Variants in TCF25 observed in about 807,000 individuals in gnomAD.
The protein encoded by TCF25 is TCF25 ribosome quality control complex subunit, also known as ribosome quality control complex subunit TCF25.
Under a neutral mutation model 83.1 loss-of-function variants are expected in TCF25, and 41 were observed. That is an observed-to-expected ratio of 0.49 (90% CI 0.38 to 0.64). The LOEUF (loss-of-function observed/expected upper bound fraction) is 0.64, where lower values mean the gene tolerates loss of function less well. Among genes scored for constraint, TCF25 ranks in the 30% least tolerant of loss-of-function variants. The probability of loss-of-function intolerance (pLI) is 0.00; values close to 1 mark genes in which losing one functional copy is unlikely to be tolerated. For synonymous variants in TCF25, 458 were observed against 365.0 expected (o/e 1.25, Z -2.90); for missense variants, 979 against 914.5 (o/e 1.07, Z -0.91).
At chr16:89,881,437 C>G (rs1028492521) in intron 1 of TCF25, among the ~76,000 whole-genome samples, 19 of 152,088 alleles carry the variant, frequency 1.2e-4, no homozygotes, top group Admixed American at 1.2e-3. Flanking sequence ...ATGCTGGTCT[C>G]TGTTAGCTTT....
intron 7 of TCF25, 56 bp from the exon 8 acceptor site, chr16:89,894,982 G>A (rs948934671): frequency 1.3e-6 from 2 of 1,515,100 alleles, no homozygotes; most frequent in Admixed American, 3.5e-5. Context: ...AGGCATGCCT[G>A]GGAGCTGGGG....
At chr16:89,891,345 C>T (rs2043411903) in intron 5 of TCF25, among the ~76,000 whole-genome samples, 1 of 152,316 alleles carries the variant, frequency 6.6e-6, no homozygotes, top group African/African-American at 2.4e-5. Flanking sequence ...AGGCTGGGGC[C>T]ACCTTCATGT....
At chr16:89,909,323 A>C in intron 16 of TCF25, 1 of 394,226 alleles carries the variant, frequency 2.5e-6, no homozygotes, top group South Asian at 2.2e-5. Context: ...CAGCCTGGCC[A>C]ACGTGCTGAA....
At chr16:89,878,109 C>G (rs898065698) in intron 1 of TCF25, among the ~76,000 whole-genome samples, 2 of 152,136 alleles carry the variant, frequency 1.3e-5, no homozygotes, top group Admixed American at 6.6e-5. Context: ...AAAACCCCAT[C>G]TCTACAAACA....
Position 89,898,820 on chromosome 16 carries a change from C to T in TCF25, c.1169C>T (p.Ala390Val). The change falls in exon 11 of 18, where the codon GCC (alanine) becomes GTC (valine). Residue 390 changes from alanine to valine, a missense_variant. Ala to Val is a moderately conservative substitution (Grantham distance 64). Coordinates refer to ENST00000263346, the MANE Select transcript of TCF25 (RefSeq NM_014972.3). ...LCMLLLIDHL[A>V]LRARNYEYLI... ...ATGCTGCTGCTCATCGACCACCTGGCCTTGCGGGCCCGGAACTACGAGTAC... is the reference window on the plus strand; with the variant it reads ...ATGCTGCTGCTCATCGACCACCTGGTCTTGCGGGCCCGGAACTACGAGTAC... The T allele has an allele frequency of 1.2e-6, 2 of 1,613,918 alleles. No individual in the cohort carries two copies. The highest frequency in any genetic ancestry group is 1.7e-6 in the Non-Finnish European group (2 of 1,180,040).
At position 89,888,433 on chromosome 16, in the gene TCF25, C is replaced by A. The variant is rs188505520; in HGVS notation, c.614+716C>A. Among the ~76,000 whole-genome samples the A allele has an allele frequency of 1.5e-3, 224 of 151,620 alleles. 2 individuals are homozygous for A. Among genetic ancestry groups the A allele is most frequent in the East Asian group, 0.014 (72 of 5,048 alleles). The stretch of plus-strand genomic sequence containing the variant: ...AGAAACCCCGTCTCTACTAAAAATA[C>A]AAAAAATTAGCCAGGCATGGTCGTG... On this transcript the variant is annotated intron_variant, in intron 5 of 17. Coordinates refer to ENST00000263346, the MANE Select transcript of TCF25 (RefSeq NM_014972.3).
chr16:89,898,915 T>C lies in TCF25; in HGVS notation c.1221+43T>C. The C allele has an allele frequency of 3.2e-6, 5 of 1,570,506 alleles. 1 individual carries two copies. The highest frequency in any genetic ancestry group is 1.7e-4 in the Middle Eastern group (1 of 5,974). On this transcript the variant is annotated intron_variant, in intron 11 of 17. Coordinates refer to ENST00000263346, the MANE Select transcript of TCF25 (RefSeq NM_014972.3). ...GAGGCCCCGTGGAGGGACGGACACC[T>C]GCTTCTCCTTCTGTTTTCTTGGTTC...
chr16:89,884,495 G>C, intron 2 of TCF25, 87 bp from the exon 3 acceptor site: 1 of 1,400,596 alleles, frequency 7.1e-7, no homozygotes, highest in Non-Finnish European at 1.0e-6. Context: ...CTGCTTAGGT[G>C]AGGGTGGAGT....
chr16:89,896,709 A>G (rs2043884976), intron 9 of TCF25, among the ~76,000 whole-genome samples: 1 of 151,992 alleles, frequency 6.6e-6, no homozygotes, highest in Admixed American at 6.5e-5. Context: ...ACGTGCCACA[A>G]CGCCTGGCTA....
At chr16:89,877,583 C>G (rs557956311) in intron 1 of TCF25, among the ~76,000 whole-genome samples, 1 of 152,186 alleles carries the variant, frequency 6.6e-6, no homozygotes, top group East Asian at 1.9e-4. Context: ...AAACTTCTAC[C>G]TTAAACTAGA....
At chr16:89,886,065 A>G in intron 4 of TCF25, 99 bp downstream of exon 4, 1 of 696,274 alleles carries the variant, frequency 1.4e-6, no homozygotes, top group East Asian at 3.5e-5. Context: ...GCTGCCACAG[A>G]GACTTCGTGG....
In TCF25 at chr16:89,907,284, T is replaced by G. The variant is rs369321345; in HGVS notation, c.1761T>G (p.Pro587=). 2 of 1,608,270 alleles carry G rather than the reference T, an allele frequency of 1.2e-6. No individual in the cohort carries two copies. The highest frequency in any genetic ancestry group is 2.7e-5 in the African/African-American group (2 of 73,860). Residue 587 remains proline, a synonymous_variant, in exon 16 of 18, where the codon CCT becomes CCG. Transcript: ENST00000263346. ...CTGTGATGGGGTTTGATCCTCTGCC[T>G]CCTTCGGACACAATCTACTCCTACG... is the stretch of plus-strand genomic sequence containing the variant. The part of the protein sequence containing the change: ...TQSVMGFDPL[P]PSDTIYSYVR...
chr16:89,889,554 T>C, intron 5 of TCF25: 1 of 150,142 alleles, frequency 6.7e-6, no homozygotes, highest in Non-Finnish European at 1.5e-5. Context: ...TCTGAGTTCT[T>C]TTTTTTTTTT....
At chr16:89,891,882 C>A (rs1349267109) in intron 5 of TCF25, among the ~76,000 whole-genome samples, 2 of 152,066 alleles carry the variant, frequency 1.3e-5, no homozygotes, top group Admixed American at 1.3e-4. Flanking sequence ...CTTGCCCAGG[C>A]CAGTCTCGAA....
chr16:89,902,545 C>T (rs113298542), intron 12 of TCF25, among the ~76,000 whole-genome samples: 7 of 147,186 alleles, frequency 4.8e-5, no homozygotes, highest in Middle Eastern at 3.4e-3. Flanking sequence ...AAAAATTAGC[C>T]GGGCGTGTTG....
intron 5 of TCF25, among the ~76,000 whole-genome samples, chr16:89,891,082 G>A (rs1020059257): frequency 5.3e-5 from 8 of 152,168 alleles, no homozygotes; most frequent in East Asian, 1.9e-4. Flanking sequence ...CATCGCCCCC[G>A]CACTTCAGCA....
chr16:89,904,552 C>T, intron 13 of TCF25: 1 of 488,788 alleles, frequency 2.0e-6, no homozygotes, highest in Non-Finnish European at 3.8e-6. Flanking sequence ...TGCACTCCAG[C>T]CTGGGTGATG....
At chr16:89,899,572 T>C (rs976750199) in intron 11 of TCF25, among the ~76,000 whole-genome samples, 1 of 151,910 alleles carries the variant, frequency 6.6e-6, no homozygotes, top group Non-Finnish European at 1.5e-5. Context: ...CTACTAAAAA[T>C]ACAAAATTAG....
chr16:89,880,591 GAAA>G (rs1205020865), intron 1 of TCF25, among the ~76,000 whole-genome samples: 1 of 141,392 alleles, frequency 7.1e-6, no homozygotes, highest in African/African-American at 2.6e-5. Flanking sequence ...CTCAAAAAAA[GAAA>G]AAAAAAAAAG....
Sources: allele counts gnomAD v4.1 joint callset (sites outside exome capture counted in the v4.1 genomes callset), GRCh38; gene constraint gnomAD v4.1.1; transcripts MANE v1.5; gene names NCBI Gene and HGNC (gene_info 2026-07-23, HGNC 2026-07-21).